ZRANB3: variants seen among roughly 807,000 people sequenced by gnomAD.
ZRANB3 encodes the protein zinc finger RANBP2-type containing 3.
In ZRANB3, 125 loss-of-function variants were observed where a neutral mutation model predicts 133.8. The ratio of observed to expected loss-of-function variants is 0.93; its 90% CI spans 0.81 to 1.08. The LOEUF (loss-of-function observed/expected upper bound fraction) is 1.08, where lower values mean the gene tolerates loss of function less well. Ranked by LOEUF, ZRANB3 falls within the 50% of genes least tolerant of loss-of-function variation. The pLI, the probability that ZRANB3 is intolerant of heterozygous loss-of-function variation, is 0.00. For missense variants in ZRANB3, 1,229 were observed against 1,275.5 expected, an observed-to-expected ratio of 0.96 and a Z score of 0.56; for synonymous variants, 387 against 432.7, an observed-to-expected ratio of 0.89 and a Z score of 1.31.
intron 1 of ZRANB3, among the ~76,000 whole-genome samples, chr2:135,504,880 T>G (rs1693104659): frequency 6.6e-6 from 1 of 152,092 alleles, no homozygotes; most frequent in South Asian, 2.1e-4. Flanking sequence ...AATTCATCCT[T>G]TTATGGATCC....
intron 12 of ZRANB3, among the ~76,000 whole-genome samples, chr2:135,253,945 T>C (rs1022542208): frequency 2.0e-5 from 3 of 152,244 alleles, no homozygotes; most frequent in African/African-American, 7.2e-5. Context: ...ATGTTATTTA[T>C]CTGCTTAAAA....
At chr2:135,419,669 G>C (rs1448032494) in intron 2 of ZRANB3, among the ~76,000 whole-genome samples, 1 of 150,866 alleles carries the variant, frequency 6.6e-6, no homozygotes, top group Admixed American at 6.6e-5. Flanking sequence ...CCAGTCTAAA[G>C]ATAGTTGCTG....
chr2:135,217,502 T>G lies in ZRANB3; in HGVS notation c.2458A>C (p.Ile820Leu). The change falls in exon 17 of 21, where the codon ATC (isoleucine) becomes CTC (leucine). Residue 820 changes from isoleucine to leucine, a missense_variant. Physicochemically the swap from Ile to Leu is conservative, Grantham distance 5 (BLOSUM62 2). Coordinates refer to ENST00000264159, the MANE Select transcript of ZRANB3 (RefSeq NM_032143.4). ...FCSPILALEE[I>L]TKQQTKQNCT... is the part of the protein sequence containing the mutation. Reference sequence around the variant, plus strand: ...TTTTGTTTGGTTTGTTGCTTTGTGATCTCTTCCAAAGCAAGAATTGGGCTA... The same window carrying G: ...TTTTGTTTGGTTTGTTGCTTTGTGAGCTCTTCCAAAGCAAGAATTGGGCTA... The G allele has an allele frequency of 3.1e-6, 5 of 1,612,548 alleles. No individual in the cohort carries two copies. The highest frequency in any genetic ancestry group is 4.2e-6 in the Non-Finnish European group (5 of 1,179,506).
In ZRANB3 at chr2:135,217,503, C is replaced by A. The variant is rs947150416; in HGVS notation, c.2457G>T (p.Glu819Asp). Reference sequence around the variant, plus strand: ...TTTGTTTGGTTTGTTGCTTTGTGATCTCTTCCAAAGCAAGAATTGGGCTAC... The same window carrying A: ...TTTGTTTGGTTTGTTGCTTTGTGATATCTTCCAAAGCAAGAATTGGGCTAC... ...LFCSPILALE[E>D]ITKQQTKQNC... The change falls in exon 17 of 21, where the codon GAG (glutamate) becomes GAT (aspartate). Residue 819 changes from glutamate (E) to aspartate (D), a missense_variant. Coordinates refer to ENST00000264159, the MANE Select transcript of ZRANB3 (RefSeq NM_032143.4). 3.1e-6 allele frequency: 5 copies of A among 1,612,194 alleles called. No individual in the cohort carries two copies. The highest frequency in any genetic ancestry group is 4.2e-6 in the Non-Finnish European group (5 of 1,179,422).
At chr2:135,511,619 T>A (rs1396870073) in intron 1 of ZRANB3, 2 of 790,110 alleles carry the variant, frequency 2.5e-6, no homozygotes, top group East Asian at 4.9e-5. Context: ...AACATCTGCA[T>A]GAATCTCCTC....
intron 8 of ZRANB3, among the ~76,000 whole-genome samples, chr2:135,276,510 A>G (rs1053158987): frequency 6.6e-6 from 1 of 152,192 alleles, no homozygotes. Flanking sequence ...CTAAGAGTGA[A>G]AAATCAATTT....
chr2:135,380,449 T>A (rs910446909), intron 3 of ZRANB3, among the ~76,000 whole-genome samples: 1 of 152,108 alleles, frequency 6.6e-6, no homozygotes, highest in Non-Finnish European at 1.5e-5. Flanking sequence ...AGAACAGAAA[T>A]CACAATAAAC....
chr2:135,418,416 A>G (rs558748501), intron 2 of ZRANB3, among the ~76,000 whole-genome samples: 2 of 152,350 alleles, frequency 1.3e-5, no homozygotes, highest in Non-Finnish European at 1.5e-5. Context: ...CCCAAGAATA[A>G]GAATCACAGA....
intron 6 of ZRANB3, among the ~76,000 whole-genome samples, chr2:135,333,601 C>T (rs576803672): frequency 3.9e-5 from 6 of 152,198 alleles, no homozygotes; most frequent in African/African-American, 1.4e-4. Context: ...ATGTTTGTTT[C>T]ATGCTCTAAG....
At position 135,461,752 on chromosome 2, in the gene ZRANB3, A is replaced by G. The variant is rs10928537; in HGVS notation, c.161+42577T>C. 4.4e-3 allele frequency among the ~76,000 whole-genome samples: 672 copies of G among 152,334 alleles called. 17 individuals are homozygous for G. Among genetic ancestry groups the G allele is most frequent in the Admixed American group, 0.03 (453 of 15,306 alleles). On this transcript the variant is annotated intron_variant, in intron 2 of 20. Coordinates refer to ENST00000264159, the MANE Select transcript of ZRANB3 (RefSeq NM_032143.4). Reference sequence around the variant, plus strand: ...GCACTGGAGATGATACTAGTTCTGAAGTCAAAAAAATGATTCAAATATAGG... The same window carrying G: ...GCACTGGAGATGATACTAGTTCTGAGGTCAAAAAAATGATTCAAATATAGG...
In ZRANB3 at chr2:135,290,670, C is replaced by A. The variant is rs1042690832; in HGVS notation, c.967-14915G>T. ...TTGCCTGAATACCTTGGGCTCCCCC[C>A]CTCCACCCCCACCCCATTGTGTCAT... On this transcript the variant is annotated intron_variant, in intron 8 of 20. Transcript: ENST00000264159. Among the ~76,000 whole-genome samples the A allele has an allele frequency of 5.9e-5, 9 of 151,926 alleles. No individual in the cohort carries two copies. The South Asian group carries it at 6.3e-4, about 11-fold the overall frequency.
chr2:135,526,355 G>A (rs1388895930), intron 1 of ZRANB3, among the ~76,000 whole-genome samples: 1 of 151,876 alleles, frequency 6.6e-6, no homozygotes. Flanking sequence ...GTAGAGACAG[G>A]GTTTCACCAT....
At chr2:135,488,737 A>G (rs1179458822) in intron 2 of ZRANB3, among the ~76,000 whole-genome samples, 1 of 151,686 alleles carries the variant, frequency 6.6e-6, no homozygotes, top group Non-Finnish European at 1.5e-5. Context: ...GGCACAATAT[A>G]TGCAAAGCAC....
intron 9 of ZRANB3, among the ~76,000 whole-genome samples, chr2:135,275,423 A>T (rs1398820048): frequency 6.6e-6 from 1 of 151,390 alleles, no homozygotes; most frequent in African/African-American, 2.4e-5. Flanking sequence ...TGGTCAGTGG[A>T]AAATTATGAG....
At chr2:135,413,952 G>GGAA (rs1688432921) in intron 2 of ZRANB3, among the ~76,000 whole-genome samples, 1 of 151,950 alleles carries the variant, frequency 6.6e-6, no homozygotes, top group African/African-American at 2.4e-5. Flanking sequence ...AGCTCCTGAA[G>GGAA]GAAGCACTAA....
At chr2:135,235,895 T>G (rs1469467614) in intron 12 of ZRANB3, among the ~76,000 whole-genome samples, 2 of 151,468 alleles carry the variant, frequency 1.3e-5, no homozygotes, top group African/African-American at 4.9e-5. Flanking sequence ...GGATGCCCTG[T>G]CTCACCACTC....
At chr2:135,270,959 TTC>T (rs562541118) in intron 10 of ZRANB3, among the ~76,000 whole-genome samples, 343 of 152,348 alleles carry the variant, frequency 2.3e-3, no homozygotes, top group African/African-American at 6.0e-3. Context: ...ATATCTATCC[TTC>T]TCTTATTCCT....
chr2:135,391,004 A>T (rs986329378), intron 2 of ZRANB3, among the ~76,000 whole-genome samples, 184 bp from the exon 3 acceptor site: 1 of 151,878 alleles, frequency 6.6e-6, no homozygotes, highest in African/African-American at 2.4e-5. Flanking sequence ...GGAACTACAG[A>T]TGCGTGTCAC....
In ZRANB3 at chr2:135,340,089, A is replaced by C. The variant is rs111438852; in HGVS notation, c.677+5461T>G. ...TTGTTGTGTAAGAAGAAGGGAAAGA[A>C]TCCCTGTCCCTTTTCTTTTTTTTTT... On this transcript the variant is annotated intron_variant, in intron 6 of 20. Coordinates refer to ENST00000264159, the MANE Select transcript of ZRANB3 (RefSeq NM_032143.4). Among the ~76,000 whole-genome samples the C allele has an allele frequency of 3.0e-3, 448 of 150,096 alleles. 3 individuals are homozygous for C. The highest frequency in any genetic ancestry group is 0.01 in the African/African-American group (417 of 40,956).
Sources: allele counts gnomAD v4.1 joint callset (sites outside exome capture counted in the v4.1 genomes callset), GRCh38; gene constraint gnomAD v4.1.1; transcripts MANE v1.5; gene names NCBI Gene and HGNC (gene_info 2026-07-23, HGNC 2026-07-21).